CEBPB: variants seen among roughly 807,000 people sequenced by gnomAD.
CEBPB encodes the protein CCAAT/enhancer-binding protein beta.
For missense variants in CEBPB, 498 were observed against 533.1 expected (o/e 0.93, Z 0.65); for synonymous variants, 295 against 267.1 (o/e 1.10, Z -1.02).
chr20:50,191,576 C>T lies in CEBPB; in HGVS notation c.543C>T (p.Pro181=), dbSNP rs765449899. 2 of 1,344,808 alleles carry T rather than the reference C, an allele frequency of 1.5e-6. No homozygotes were observed. The highest frequency in any genetic ancestry group is 4.1e-5 in the Admixed American group (1 of 24,594). 83.3% of individuals were successfully genotyped at this position (1,344,808 alleles called of 1,614,324 possible). The change falls in exon 1 of 1, where the codon CCC becomes CCT. Residue 181 remains proline (P), a synonymous_variant. Coordinates refer to ENST00000303004, the MANE Select transcript of CEBPB (RefSeq NM_005194.4). ...TCAAGGCGGAGCCGGGCTTCGAGCC[C>T]GCGGACTGCAAGCGGAAGGAGGAGG... ...AELKAEPGFE[P]ADCKRKEEAG...
At position 50,192,536 on chromosome 20, in the gene CEBPB, G is replaced by A. The variant is rs1568674909; in HGVS notation, c.*465G>A. 2 of 166,716 alleles carry A rather than the reference G, an allele frequency of 1.2e-5. No homozygotes were observed. The highest frequency in any genetic ancestry group is 2.9e-5 in the Non-Finnish European group (2 of 68,086). 10.3% of individuals were successfully genotyped at this position (166,716 alleles called of 1,614,324 possible). On this transcript the variant is annotated 3_prime_UTR_variant, in exon 1 of 1. Coordinates refer to ENST00000303004, the MANE Select transcript of CEBPB (RefSeq NM_005194.4). Reference sequence around the variant, plus strand: ...TGCTGTTGATGTTTTGTTTTGTTTTGTTTTTTGGTCTTTTTTTGTATTATA... The same window carrying A: ...TGCTGTTGATGTTTTGTTTTGTTTTATTTTTTGGTCTTTTTTTGTATTATA...
Position 50,191,184 on chromosome 20 carries a change from G to A in CEBPB, c.151G>A (p.Ala51Thr), listed in dbSNP as rs1162239063. ...CAAGGCGGCCCCCGCGGCGCCCCCC[G>A]CGGCCAGACCCGGGCCGCGCCCCCC... is the stretch of plus-strand genomic sequence containing the variant. The part of the protein sequence containing the change: ...GGKAAPAAPP[A>T]ARPGPRPPAG... Residue 51 changes from alanine (A) to threonine (T), a missense_variant, in exon 1 of 1, where the codon GCG becomes ACG. Physicochemically the swap from Ala to Thr is moderately conservative, Grantham distance 58. Transcript: ENST00000303004. The A allele has an allele frequency of 6.9e-7, 1 of 1,440,036 alleles. No individual in the cohort carries two copies. Among genetic ancestry groups the A allele is most frequent in the South Asian group, 1.3e-5 (1 of 75,338 alleles). The allele number at this position is 1,440,036 out of a possible 1,614,324, so 89.2% of individuals were successfully genotyped here.
In CEBPB at chr20:50,191,403, G is replaced by C; in HGVS notation, c.370G>C (p.Asp124His). 2 of 1,514,962 alleles carry C rather than the reference G, an allele frequency of 1.3e-6. 1 individual carries two copies. The highest frequency in any genetic ancestry group is 1.8e-6 in the Non-Finnish European group (2 of 1,128,622). The allele number at this position is 1,514,962 out of a possible 1,614,324, so 93.8% of individuals were successfully genotyped here. Residue 124 changes from aspartate to histidine, a missense_variant, in exon 1 of 1, where the codon GAC becomes CAC. Asp to His is a moderately conservative substitution (Grantham distance 81). Coordinates refer to ENST00000303004, the MANE Select transcript of CEBPB (RefSeq NM_005194.4). ...HHDFLSDLFS[D>H]DYGGKNCKKP... ...CGACTTCCTCTCCGACCTCTTCTCC[G>C]ACGACTACGGGGGCAAGAACTGCAA...
At position 50,191,340 on chromosome 20, in the gene CEBPB, G is replaced by T; in HGVS notation, c.307G>T (p.Ala103Ser). Residue 103 changes from alanine to serine, a missense_variant, in exon 1 of 1, where the codon GCG (alanine) becomes TCG (serine). Ala to Ser is a moderately conservative substitution (Grantham distance 99). Coordinates refer to ENST00000303004, the MANE Select transcript of CEBPB (RefSeq NM_005194.4). ...ATDTFEAAPP[A>S]PAPAPASSGQ... The stretch of plus-strand genomic sequence containing the variant: ...GGACACCTTCGAGGCGGCTCCGCCC[G>T]CGCCCGCCCCCGCGCCCGCCTCCTC... 6.9e-7 allele frequency: 1 copy of T among 1,442,726 alleles called. No individual in the cohort carries two copies. The highest frequency in any genetic ancestry group is 9.2e-7 in the Non-Finnish European group (1 of 1,090,882). 89.4% of individuals were successfully genotyped at this position (1,442,726 alleles called of 1,614,324 possible). A position where few individuals can be genotyped will look rare whatever the true frequency, so the allele number is the denominator to read the frequency against.
chr20:50,191,001 A>G lies in CEBPB; in HGVS notation c.-33A>G. On this transcript the variant is annotated 5_prime_UTR_variant, in exon 1 of 1. Transcript: ENST00000303004. ...CACCTGCGGGCCGGCCGGAGCGGGC[A>G]GCCCCAGGCCCCCTCCCCGGGCACC... 1 of 1,462,044 alleles carries G rather than the reference A, an allele frequency of 6.8e-7. No homozygotes were observed. Among genetic ancestry groups the G allele is most frequent in the Non-Finnish European group, 9.0e-7 (1 of 1,110,940 alleles). 90.6% of individuals were successfully genotyped at this position (1,462,044 alleles called of 1,614,324 possible).
chr20:50,192,133 C>A lies in CEBPB; in HGVS notation c.*62C>A. On this transcript the variant is annotated 3_prime_UTR_variant, in exon 1 of 1. Coordinates refer to ENST00000303004, the MANE Select transcript of CEBPB (RefSeq NM_005194.4). ...TGAGACTCCGGGGAGCGCCCGCGCC[C>A]GCGCCCTCGCCCCCGCCCCCGGCGG... The A allele has an allele frequency of 1.6e-6, 2 of 1,276,700 alleles. No homozygotes were observed. Among genetic ancestry groups the A allele is most frequent in the Admixed American group, 4.3e-5 (1 of 23,246 alleles). The allele number at this position is 1,276,700 out of a possible 1,614,324, so 79.1% of individuals were successfully genotyped here. A position where few individuals can be genotyped will look rare whatever the true frequency, so the allele number is the denominator to read the frequency against.
At position 50,191,351 on chromosome 20, in the gene CEBPB, C is replaced by A. The variant is rs1227397664; in HGVS notation, c.318C>A (p.Pro106=). 1.1e-5 allele frequency: 16 copies of A among 1,455,104 alleles called. No homozygotes were observed. Among genetic ancestry groups the A allele is most frequent in the Non-Finnish European group, 1.4e-5 (15 of 1,097,484 alleles). The allele number at this position is 1,455,104 out of a possible 1,614,324, so 90.1% of individuals were successfully genotyped here. A position where few individuals can be genotyped will look rare whatever the true frequency, so the allele number is the denominator to read the frequency against. Reference sequence around the variant, plus strand: ...AGGCGGCTCCGCCCGCGCCCGCCCCCGCGCCCGCCTCCTCCGGGCAGCACC... The same window carrying A: ...AGGCGGCTCCGCCCGCGCCCGCCCCAGCGCCCGCCTCCTCCGGGCAGCACC... The part of the protein sequence containing the change: ...TFEAAPPAPA[P]APASSGQHHD... Residue 106 remains proline, a synonymous_variant, in exon 1 of 1, where the codon CCC becomes CCA. Coordinates refer to ENST00000303004, the MANE Select transcript of CEBPB (RefSeq NM_005194.4).
chr20:50,191,122 A>T lies in CEBPB; in HGVS notation c.89A>T (p.Tyr30Phe), dbSNP rs781028963. Residue 30 changes from tyrosine to phenylalanine, a missense_variant, in exon 1 of 1, where the codon TAC (tyrosine) becomes TTC (phenylalanine). Tyr to Phe is a conservative substitution (Grantham distance 22, BLOSUM62 3). Coordinates refer to ENST00000303004, the MANE Select transcript of CEBPB (RefSeq NM_005194.4). ...AAATCCATGGAAGTGGCCAACTTCT[A>T]CTACGAGGCGGACTGCTTGGCTGCT... The part of the protein sequence containing the change: ...AFKSMEVANF[Y>F]YEADCLAAAY... The T allele has an allele frequency of 2.8e-5, 43 of 1,545,620 alleles. 1 individual carries two copies. Among genetic ancestry groups the T allele is most frequent in the Non-Finnish European group, 3.6e-5 (42 of 1,151,380 alleles).
Position 50,192,227 on chromosome 20 carries a change from T to TTA in CEBPB, c.*168_*169dup, listed in dbSNP as rs932407115. The stretch of plus-strand genomic sequence containing the variant: ...GCCCGTCGGTAATTTTAATATTTTA[T>TTA]TATATATATATATCTATATTTTTGT... On this transcript the variant is annotated 3_prime_UTR_variant, in exon 1 of 1. Transcript: ENST00000303004. 3.9e-4 allele frequency: 130 copies of TTA among 334,222 alleles called. No individual in the cohort carries two copies. The highest frequency in any genetic ancestry group is 1.8e-3 in the African/African-American group (81 of 45,088). 20.7% of individuals were successfully genotyped at this position (334,222 alleles called of 1,614,324 possible).
Position 50,191,223 on chromosome 20 carries a change from G to A in CEBPB, c.190G>A (p.Gly64Ser). The change falls in exon 1 of 1, where the codon GGC (glycine) becomes AGC (serine). Residue 64 changes from glycine to serine, a missense_variant. Gly to Ser is a moderately conservative substitution (Grantham distance 56). Coordinates refer to ENST00000303004, the MANE Select transcript of CEBPB (RefSeq NM_005194.4). ...PGPRPPAGEL[G>S]SIGDHERAID... Reference sequence around the variant, plus strand: ...GCCGCGCCCCCCCGCCGGCGAGCTGGGCAGCATCGGCGACCACGAGCGCGC... The same window carrying A: ...GCCGCGCCCCCCCGCCGGCGAGCTGAGCAGCATCGGCGACCACGAGCGCGC... 7.7e-7 allele frequency: 1 copy of A among 1,293,384 alleles called. No homozygotes were observed. Among genetic ancestry groups the A allele is most frequent in the Non-Finnish European group, 9.8e-7 (1 of 1,021,510 alleles). 80.1% of individuals were successfully genotyped at this position (1,293,384 alleles called of 1,614,324 possible).
Position 50,192,361 on chromosome 20 carries a change from T to A in CEBPB, c.*290T>A. On this transcript the variant is annotated 3_prime_UTR_variant, in exon 1 of 1. Coordinates refer to ENST00000303004, the MANE Select transcript of CEBPB (RefSeq NM_005194.4). ...AACTCTCTGCTTCTCCCTCTGCCCC[T>A]CTCCAGGCGCCGGCGGGCGGGCCGG... The A allele has an allele frequency of 5.8e-6, 1 of 171,756 alleles. No individual in the cohort carries two copies. 10.6% of individuals were successfully genotyped at this position (171,756 alleles called of 1,614,324 possible). A position where few individuals can be genotyped will look rare whatever the true frequency, so the allele number is the denominator to read the frequency against.
chr20:50,191,676 G>C lies in CEBPB; in HGVS notation c.643G>C (p.Ala215Pro). The C allele has an allele frequency of 7.0e-7, 1 of 1,438,334 alleles. No individual in the cohort carries two copies. The highest frequency in any genetic ancestry group is 9.0e-7 in the Non-Finnish European group (1 of 1,107,632). 89.1% of individuals were successfully genotyped at this position (1,438,334 alleles called of 1,614,324 possible). ...YALRAYLGYQ[A>P]VPSGSSGSLS... is the part of the protein sequence containing the mutation. Reference sequence around the variant, plus strand: ...GCTGCGCGCTTACCTCGGCTACCAGGCGGTGCCGAGCGGCAGCAGCGGGAG... The same window carrying C: ...GCTGCGCGCTTACCTCGGCTACCAGCCGGTGCCGAGCGGCAGCAGCGGGAG... The change falls in exon 1 of 1, where the codon GCG (alanine) becomes CCG (proline). Residue 215 changes from alanine (A) to proline (P), a missense_variant. Coordinates refer to ENST00000303004, the MANE Select transcript of CEBPB (RefSeq NM_005194.4).
chr20:50,191,485 CG>C lies in CEBPB; in HGVS notation c.453del (p.Leu152CysfsTer242). 6.9e-7 allele frequency: 1 copy of C among 1,455,410 alleles called. No individual in the cohort carries two copies. The allele number at this position is 1,455,410 out of a possible 1,614,324, so 90.2% of individuals were successfully genotyped here. A position where few individuals can be genotyped will look rare whatever the true frequency, so the allele number is the denominator to read the frequency against. On this transcript the variant is annotated frameshift_variant, in exon 1 of 1. Transcript: ENST00000303004. LOFTEE classifies it low-confidence loss of function (END_TRUNC). ...GGGCGCCTGGGGGCCGCCAAGGGCG[CG>C]CTGCACCCCGGCTGCTTCGCGCCCC... is the stretch of plus-strand genomic sequence containing the variant. ...SLGRLGAAKGALHPGCFAPLH... is the reference protein window; with the variant it reads ...SLGRLGAAKGXLHPGCFAPLH...
rs777472730 is a variant in CEBPB, at chr20:50,191,472, G to A, written c.439G>A (p.Ala147Thr). 6.7e-6 allele frequency: 10 copies of A among 1,484,648 alleles called. No homozygotes were observed. The highest frequency in any genetic ancestry group is 6.3e-5 in the South Asian group (5 of 79,658). The allele number at this position is 1,484,648 out of a possible 1,614,324, so 92.0% of individuals were successfully genotyped here. The change falls in exon 1 of 1, where the codon GCC becomes ACC. Residue 147 changes from alanine (A) to threonine (T), a missense_variant. Physicochemically the swap from Ala to Thr is moderately conservative, Grantham distance 58 (BLOSUM62 0). Transcript: ENST00000303004. ...CTACGTGAGCCTGGGGCGCCTGGGG[G>A]CCGCCAAGGGCGCGCTGCACCCCGG... Reference protein sequence around the residue: ...YGYVSLGRLGAAKGALHPGCF... With the variant: ...YGYVSLGRLGTAKGALHPGCF...
chr20:50,191,432 G>C lies in CEBPB; in HGVS notation c.399G>C (p.Lys133Asn). 6.6e-7 allele frequency: 1 copy of C among 1,523,196 alleles called. No homozygotes were observed. The highest frequency in any genetic ancestry group is 1.4e-5 in the African/African-American group (1 of 69,382). The allele number at this position is 1,523,196 out of a possible 1,614,324, so 94.4% of individuals were successfully genotyped here. Residue 133 changes from lysine to asparagine, a missense_variant, in exon 1 of 1, where the codon AAG becomes AAC. Lys to Asn is a moderately conservative substitution (Grantham distance 94, BLOSUM62 0). Transcript: ENST00000303004. ...SDDYGGKNCK[K>N]PAEYGYVSLG... ...ACTACGGGGGCAAGAACTGCAAGAAGCCGGCCGAGTACGGCTACGTGAGCC... is the reference window on the plus strand; with the variant it reads ...ACTACGGGGGCAAGAACTGCAAGAACCCGGCCGAGTACGGCTACGTGAGCC...
rs1056106431 is a variant in CEBPB, at chr20:50,191,539, C to T, written c.506C>T (p.Pro169Leu). 425 of 1,314,642 alleles carry T rather than the reference C, an allele frequency of 3.2e-4. 1 individual carries two copies. Among genetic ancestry groups the T allele is most frequent in the Non-Finnish European group, 3.8e-4 (396 of 1,037,910 alleles). The allele number at this position is 1,314,642 out of a possible 1,614,324, so 81.4% of individuals were successfully genotyped here. ...CACCCACCGCCCCCGCCGCCGCCGC[C>T]GCCCGCCGAGCTCAAGGCGGAGCCG... ...PLHPPPPPPP[P>L]PAELKAEPGF... The change falls in exon 1 of 1, where the codon CCG (proline) becomes CTG (leucine). Residue 169 changes from proline to leucine, a missense_variant. Transcript: ENST00000303004.
rs1479635298 is a variant in CEBPB at position 50,191,414 on chromosome 20, G to A, written c.381G>A (p.Gly127=). The change falls in exon 1 of 1, where the codon GGG becomes GGA. Residue 127 remains glycine (G), a synonymous_variant. Transcript: ENST00000303004. ...CCGACCTCTTCTCCGACGACTACGG[G>A]GGCAAGAACTGCAAGAAGCCGGCCG... The part of the protein sequence containing the change: ...FLSDLFSDDY[G]GKNCKKPAEY... The A allele has an allele frequency of 1.3e-6, 2 of 1,523,194 alleles. No individual in the cohort carries two copies. The highest frequency in any genetic ancestry group is 1.8e-6 in the Non-Finnish European group (2 of 1,133,110). The allele number at this position is 1,523,194 out of a possible 1,614,324, so 94.4% of individuals were successfully genotyped here.
chr20:50,190,918 A>AGCG lies in CEBPB; in HGVS notation c.-110_-108dup, dbSNP rs1386833148. 13 of 1,272,990 alleles carry AGCG rather than the reference A, an allele frequency of 1.0e-5. No homozygotes were observed. Among genetic ancestry groups the AGCG allele is most frequent in the South Asian group, 8.2e-5 (4 of 48,840 alleles). 78.9% of individuals were successfully genotyped at this position (1,272,990 alleles called of 1,614,324 possible). ...CCTCACTAATAGCGGCCACCCCGGCAGCGGCGGCAGCAGCAGCAGCGACGC... is the reference window on the plus strand; with the variant it reads ...CCTCACTAATAGCGGCCACCCCGGCAGCGGCGGCGGCAGCAGCAGCAGCGACGC... On this transcript the variant is annotated 5_prime_UTR_variant, in exon 1 of 1. Coordinates refer to ENST00000303004, the MANE Select transcript of CEBPB (RefSeq NM_005194.4).
Position 50,190,881 on chromosome 20 carries a change from A to G in CEBPB, c.-153A>G. On this transcript the variant is annotated 5_prime_UTR_variant, in exon 1 of 1. Coordinates refer to ENST00000303004, the MANE Select transcript of CEBPB (RefSeq NM_005194.4). ...GGGAAGGGGACCCACCCGAGGGTCC[A>G]GCCACCAGCCCCCTCACTAATAGCG... is the stretch of plus-strand genomic sequence containing the variant. 1 of 969,248 alleles carries G rather than the reference A, an allele frequency of 1.0e-6. No homozygotes were observed. Among genetic ancestry groups the G allele is most frequent in the Non-Finnish European group, 1.4e-6 (1 of 724,868 alleles). 60.0% of individuals were successfully genotyped at this position (969,248 alleles called of 1,614,324 possible).
Sources: gnomAD v4.1 joint callset for allele counts on GRCh38, gnomAD v4.1.1 for gene constraint, MANE v1.5 for transcripts, NCBI Gene and HGNC (gene_info 2026-07-23, HGNC 2026-07-21) for gene names.